The following STPG2 variants were observed in gnomAD, a reference collection of about 807,000 sequenced individuals.
STPG2 encodes the protein sperm tail PG-rich repeat containing 2.
Under a neutral mutation model 54.2 loss-of-function variants are expected in STPG2, and 56 were observed. The observed-to-expected ratio is 1.03, with a 90% CI of 0.83 to 1.29. The LOEUF is 1.29. STPG2 is among the 50% of genes most tolerant of loss of function. STPG2 has a pLI of 0.00. For synonymous variants in STPG2, 200 were observed against 181.8 expected (o/e 1.10, Z -0.81); for missense variants, 596 against 544.9 (o/e 1.09, Z -0.93).
intron 9 of STPG2, among the ~76,000 whole-genome samples, chr4:97,736,988 G>A (rs1443528134): frequency 1.2e-4 from 18 of 152,096 alleles, no homozygotes; most frequent in Admixed American, 7.2e-4. Context: ...CACCTCACAC[G>A]GCCGGGTACT....
At chr4:97,568,723 C>G (rs1453558241) in intron 10 of STPG2, among the ~76,000 whole-genome samples, 4 of 152,048 alleles carry the variant, frequency 2.6e-5, no homozygotes, top group Non-Finnish European at 5.9e-5. Flanking sequence ...TGATCCCAAA[C>G]ATTCTCTTGT....
At chr4:98,046,050 C>CTTT (rs546145548) in intron 5 of STPG2, among the ~76,000 whole-genome samples, 5 of 136,486 alleles carry the variant, frequency 3.7e-5, no homozygotes, top group Admixed American at 7.4e-5. Context: ...TTTTTTCATT[C>CTTT]TTTTTTTTTT....
chr4:97,971,174 G>A (rs539389737), intron 7 of STPG2, among the ~76,000 whole-genome samples: 1 of 152,330 alleles, frequency 6.6e-6, no homozygotes, highest in South Asian at 2.1e-4. Context: ...AGAGGACGTG[G>A]AGAAATAGGA....
chr4:97,868,133 T>C (rs1729858708), intron 8 of STPG2, among the ~76,000 whole-genome samples: 1 of 151,984 alleles, frequency 6.6e-6, no homozygotes, highest in Non-Finnish European at 1.5e-5. Flanking sequence ...ATTTCCCTGT[T>C]CGTTTTTCAT....
At chr4:97,565,710 T>G (rs1024795532) in intron 10 of STPG2, among the ~76,000 whole-genome samples, 4 of 152,212 alleles carry the variant, frequency 2.6e-5, no homozygotes, top group African/African-American at 4.8e-5. Flanking sequence ...CCAGACCCTG[T>G]TTGCCTGGGT....
chr4:97,522,469 A>C (rs987497276), intron 4 of STPG2, among the ~76,000 whole-genome samples: 7 of 152,062 alleles, frequency 4.6e-5, no homozygotes, highest in Non-Finnish European at 1.0e-4. Flanking sequence ...ATATGGTCGA[A>C]ATGAAATAAT....
intron 10 of STPG2, among the ~76,000 whole-genome samples, chr4:97,595,438 G>A (rs566104034): frequency 4.6e-5 from 7 of 152,014 alleles, no homozygotes; most frequent in East Asian, 1.9e-4. Context: ...ATCACACACC[G>A]GGGCCTGTCA....
chr4:97,715,924 A>T (rs1724271767), intron 9 of STPG2, among the ~76,000 whole-genome samples: 1 of 152,198 alleles, frequency 6.6e-6, no homozygotes, highest in African/African-American at 2.4e-5. Context: ...AGAATTAGAG[A>T]AAATTTTTGC....
chr4:97,764,603 T>C (rs1725985574), intron 9 of STPG2, among the ~76,000 whole-genome samples: 1 of 152,058 alleles, frequency 6.6e-6, no homozygotes, highest in Admixed American at 6.6e-5. Context: ...CAGAGATAAA[T>C]TTTAGATCCC....
intron 5 of STPG2, among the ~76,000 whole-genome samples, chr4:98,008,267 A>G (rs973764707): frequency 4.6e-5 from 7 of 151,584 alleles, no homozygotes; most frequent in African/African-American, 1.7e-4. Context: ...CTTACAAGCT[A>G]GAAGAGATTG....
intron 3 of STPG2, among the ~76,000 whole-genome samples, chr4:98,121,027 A>C (rs772260139): frequency 2.6e-5 from 4 of 152,104 alleles, no homozygotes; most frequent in Non-Finnish European, 5.9e-5. Flanking sequence ...GGATTTTTAT[A>C]GTTTTGGATT....
chr4:97,795,431 G>A (rs944236203), intron 9 of STPG2, among the ~76,000 whole-genome samples: 1 of 152,142 alleles, frequency 6.6e-6, no homozygotes, highest in Non-Finnish European at 1.5e-5. Flanking sequence ...CCACCTATAA[G>A]TGAGAACATG....
intron 8 of STPG2, among the ~76,000 whole-genome samples, chr4:97,933,877 G>C (rs1483593197): frequency 6.6e-6 from 1 of 152,132 alleles, no homozygotes; most frequent in Non-Finnish European, 1.5e-5. Context: ...GAAGTTTAAA[G>C]TAGTTTTTTC....
chr4:98,010,715 T>C (rs1417444587), intron 5 of STPG2, among the ~76,000 whole-genome samples: 1 of 152,164 alleles, frequency 6.6e-6, no homozygotes, highest in Non-Finnish European at 1.5e-5. Context: ...CATTGTTTCT[T>C]TCTCTCTTGC....
At chr4:97,979,461 T>G (rs938998975) in intron 6 of STPG2, among the ~76,000 whole-genome samples, 1 of 152,180 alleles carries the variant, frequency 6.6e-6, no homozygotes, top group Non-Finnish European at 1.5e-5. Flanking sequence ...CTGATTATCC[T>G]ATATCTCTCC....
chr4:97,726,445 C>T (rs530057724), intron 9 of STPG2, among the ~76,000 whole-genome samples: 6 of 151,870 alleles, frequency 4.0e-5, no homozygotes, highest in Non-Finnish European at 7.4e-5. Context: ...TTTTCTCTTA[C>T]GTGTATTTTG....
intron 4 of STPG2, among the ~76,000 whole-genome samples, chr4:97,522,879 G>A (rs1731210431): frequency 6.6e-6 from 1 of 151,884 alleles, no homozygotes; most frequent in African/African-American, 2.4e-5. Flanking sequence ...ATGTTTCAAG[G>A]TAGAGGCTTG....
chr4:98,012,140 A>AGTAAG (rs1217899802), intron 5 of STPG2, among the ~76,000 whole-genome samples: 1 of 151,838 alleles, frequency 6.6e-6, no homozygotes, highest in African/African-American at 2.4e-5. Flanking sequence ...ATAATGCATA[A>AGTAAG]GGGGTCCAGT....
chr4:98,047,257 T>C (rs1490908448), intron 5 of STPG2, among the ~76,000 whole-genome samples: 2 of 152,210 alleles, frequency 1.3e-5, no homozygotes, highest in Admixed American at 6.5e-5. Context: ...CATGCTTATG[T>C]GTGGATAAAC....
Sources: gnomAD v4.1 joint callset for allele counts (sites outside exome capture counted in the v4.1 genomes callset) on GRCh38, gnomAD v4.1.1 for gene constraint, MANE v1.5 for transcripts, NCBI Gene and HGNC (gene_info 2026-07-23, HGNC 2026-07-21) for gene names.